The following BCAR3 variants were observed in gnomAD, a reference collection of about 807,000 sequenced individuals.
The protein encoded by BCAR3 is breast cancer anti-estrogen resistance protein 3.
BCAR3 carries 37 observed loss-of-function variants against 80.1 expected under a neutral mutation model. That is an observed-to-expected ratio of 0.46 (90% CI 0.36 to 0.61). The LOEUF (loss-of-function observed/expected upper bound fraction) is 0.61, where lower values mean the gene tolerates loss of function less well. Among genes scored for constraint, BCAR3 ranks in the 20% least tolerant of loss-of-function variants. BCAR3 has a pLI of 0.00. For missense variants in BCAR3, 978 were observed against 1,068.2 expected (o/e 0.92, Z 1.18); for synonymous variants, 389 against 418.9 (o/e 0.93, Z 0.87).
rs544625709 is a variant in BCAR3, at chr1:93,647,769, T to C, written c.318-5426A>G. 9.9e-5 allele frequency among the ~76,000 whole-genome samples: 15 copies of C among 152,172 alleles called. No homozygotes were observed. In the South Asian group the frequency reaches 3.1e-3, roughly 32 times the overall value. ...TGTACGATAAAGTTCCTATGTATTG[T>C]TTTCTTGAAATATGTTTTTTTTTTT... On this transcript the variant is annotated intron_variant, in intron 2 of 11. Coordinates refer to ENST00000260502, the MANE Select transcript of BCAR3 (RefSeq NM_003567.4).
At chr1:93,645,633 G>A (rs1404108443) in intron 2 of BCAR3, among the ~76,000 whole-genome samples, 1 of 143,104 alleles carries the variant, frequency 7.0e-6, no homozygotes, top group Non-Finnish European at 1.5e-5. Context: ...AAAGCTACAG[G>A]ATCTTTGTGT....
At chr1:93,781,355 CA>C (rs1652754598) in intron 2 of BCAR3, among the ~76,000 whole-genome samples, 1 of 152,182 alleles carries the variant, frequency 6.6e-6, no homozygotes, top group Non-Finnish European at 1.5e-5. Context: ...ATTTGATACA[CA>C]GGCCGTAATT....
At chr1:93,748,882 A>T (rs1651448041) in intron 2 of BCAR3, among the ~76,000 whole-genome samples, 1 of 152,144 alleles carries the variant, frequency 6.6e-6, no homozygotes, top group African/African-American at 2.4e-5. Context: ...ACTGTGTCCT[A>T]TGCTTCTTTT....
intron 2 of BCAR3, among the ~76,000 whole-genome samples, chr1:93,838,574 C>T (rs1404350462): frequency 2.0e-5 from 3 of 152,170 alleles, no homozygotes; most frequent in Non-Finnish European, 4.4e-5. Context: ...AGCACCTCTC[C>T]ATTACTAGTG....
At position 93,582,699 on chromosome 1, in the gene BCAR3, A is replaced by G. The variant is rs1673765653; in HGVS notation, c.1288T>C (p.Cys430Arg). ...SAWLNSEANY[C>R]ELNPAFATGC... ...GTGGCAAACGCTGGGTTCAGTTCAC[A>G]GTAGTTGGCCTCTGAGTTGAGCCAG... Residue 430 changes from cysteine (C) to arginine (R), a missense_variant, in exon 7 of 12, where the codon TGT (cysteine) becomes CGT (arginine). By Grantham distance (180) the Cys-to-Arg change is radical. Transcript: ENST00000260502. The G allele has an allele frequency of 6.2e-7, 1 of 1,614,106 alleles. No homozygotes were observed. Among genetic ancestry groups the G allele is most frequent in the Non-Finnish European group, 8.5e-7 (1 of 1,180,010 alleles).
At chr1:93,811,271 T>C (rs182579729) in intron 2 of BCAR3, among the ~76,000 whole-genome samples, 145 of 151,608 alleles carry the variant, frequency 9.6e-4, no homozygotes, top group Middle Eastern at 3.4e-3. Context: ...ATGGGACAGA[T>C]ACAGGGTCTG....
intron 2 of BCAR3, among the ~76,000 whole-genome samples, chr1:93,800,587 A>G (rs1186661706): frequency 6.6e-6 from 1 of 152,030 alleles, no homozygotes; most frequent in Non-Finnish European, 1.5e-5. Flanking sequence ...AAATAAATAA[A>G]TAAATAAATA....
intron 2 of BCAR3, among the ~76,000 whole-genome samples, chr1:93,805,467 T>C (rs2179908): frequency 0.32 from 47,975 of 152,134 alleles, 10,938 homozygotes; most frequent in African/African-American, 0.65. Context: ...ATCACCTTCT[T>C]TCAGTAAAAC....
chr1:93,584,344 A>G (rs1041199154), intron 5 of BCAR3, among the ~76,000 whole-genome samples: 1 of 152,212 alleles, frequency 6.6e-6, no homozygotes, highest in Non-Finnish European at 1.5e-5. Context: ...CCCTGTCCCC[A>G]TGACCAATGC....
chr1:93,783,252 C>G (rs947828872), intron 2 of BCAR3, among the ~76,000 whole-genome samples: 4 of 152,250 alleles, frequency 2.6e-5, no homozygotes, highest in African/African-American at 9.6e-5. Flanking sequence ...ACCAGCTAAT[C>G]GTTATAGGGG....
Position 93,574,143 on chromosome 1 carries a change from T to A in BCAR3, c.1802+1871A>T, listed in dbSNP as rs971600596. Among the ~76,000 whole-genome samples, 17 of 151,686 alleles carry A rather than the reference T, an allele frequency of 1.1e-4. No homozygotes were observed. In the South Asian group the frequency reaches 1.7e-3, roughly 15 times the overall value. On this transcript the variant is annotated intron_variant, in intron 8 of 11. Coordinates refer to ENST00000260502, the MANE Select transcript of BCAR3 (RefSeq NM_003567.4). ...GTTATATCCATTCACTCAACCAATA[T>A]TTGCCTGAAACCTCCTGGATACACC...
intron 2 of BCAR3, among the ~76,000 whole-genome samples, chr1:93,718,074 T>C (rs980501475): frequency 1.3e-5 from 2 of 152,198 alleles, no homozygotes; most frequent in African/African-American, 2.4e-5. Flanking sequence ...AAAGACTTTC[T>C]CTGGAAACTT....
Position 93,582,755 on chromosome 1 carries a change from G to C in BCAR3, c.1232C>G (p.Pro411Arg), listed in dbSNP as rs141567715. 1.2e-6 allele frequency: 2 copies of C among 1,614,010 alleles called. No individual in the cohort carries two copies. Among genetic ancestry groups the C allele is most frequent in the Admixed American group, 1.7e-5 (1 of 60,000 alleles). Reference sequence around the variant, plus strand: ...GGGAGACGAGGGAACCTTGAGGAACGGCACCTTGCAGGGCTTAGGCGGGGG... The same window carrying C: ...GGGAGACGAGGGAACCTTGAGGAACCGCACCTTGCAGGGCTTAGGCGGGGG... Reference protein sequence around the residue: ...PKPPPKPCKVPFLKVPSSPSA... With the variant: ...PKPPPKPCKVRFLKVPSSPSA... The change falls in exon 7 of 12, where the codon CCG (proline) becomes CGG (arginine). Residue 411 changes from proline to arginine, a missense_variant. Pro to Arg is a moderately radical substitution (Grantham distance 103). Transcript: ENST00000260502.
chr1:93,626,833 G>A (rs1442834595), intron 3 of BCAR3, among the ~76,000 whole-genome samples: 1 of 152,214 alleles, frequency 6.6e-6, no homozygotes, highest in Admixed American at 6.5e-5. Context: ...CAAGCACAGA[G>A]TTTGTGTGAA....
chr1:93,846,781 G>A (rs939686567), intron 1 of BCAR3: 2 of 447,204 alleles, frequency 4.5e-6, no homozygotes, highest in Admixed American at 5.0e-5. Context: ...CGGCGTCCTT[G>A]GAGGCAGGTG....
rs552527312 is a variant in BCAR3, at chr1:93,640,362, A to G, written c.357+1942T>C. ...AGAGGCAAATGAAAATACATACCCT[A>G]CATTGGCTCAACACATTCCCAAACC... On this transcript the variant is annotated intron_variant, in intron 3 of 11. Coordinates refer to ENST00000260502, the MANE Select transcript of BCAR3 (RefSeq NM_003567.4). 1.4e-4 allele frequency among the ~76,000 whole-genome samples: 22 copies of G among 152,264 alleles called. No homozygotes were observed. The South Asian group carries it at 3.9e-3, about 27-fold the overall frequency.
At chr1:93,671,275 G>A (rs1648191287) in intron 2 of BCAR3, among the ~76,000 whole-genome samples, 1 of 152,172 alleles carries the variant, frequency 6.6e-6, no homozygotes, top group Non-Finnish European at 1.5e-5. Flanking sequence ...TTACAGGCGT[G>A]AGCCACCAAG....
chr1:93,623,729 A>G (rs1481231135), intron 3 of BCAR3, among the ~76,000 whole-genome samples: 1 of 152,124 alleles, frequency 6.6e-6, no homozygotes, highest in Admixed American at 6.5e-5. Context: ...CACACCATCA[A>G]TTTGGGTTTA....
rs1316853362 is a variant in BCAR3 at position 93,584,609 on chromosome 1, A to G, written c.930-488T>C. Among the ~76,000 whole-genome samples, 5 of 152,248 alleles carry G rather than the reference A, an allele frequency of 3.3e-5. No individual in the cohort carries two copies. The East Asian group carries it at 9.7e-4, about 29-fold the overall frequency. On this transcript the variant is annotated intron_variant, in intron 5 of 11. Transcript: ENST00000260502. The stretch of plus-strand genomic sequence containing the variant: ...TTGGTGCAAATCTCAGCATCCCCCA[A>G]ATAACCTGCAGGACTGCCTGGGGAG...
Sources: allele counts gnomAD v4.1 joint callset (sites outside exome capture counted in the v4.1 genomes callset), GRCh38; gene constraint gnomAD v4.1.1; transcripts MANE v1.5; gene names NCBI Gene and HGNC (gene_info 2026-07-23, HGNC 2026-07-21).